TOPORS: variants seen among roughly 807,000 people sequenced by gnomAD.
TOPORS encodes E3 ubiquitin-protein ligase Topors.
Under a neutral mutation model 81.4 loss-of-function variants are expected in TOPORS, and 25 were observed. That is an observed-to-expected ratio of 0.31 (90% CI 0.22 to 0.43). The LOEUF (loss-of-function observed/expected upper bound fraction) is 0.43, where lower values mean the gene tolerates loss of function less well. Ranked by LOEUF, TOPORS falls within the 20% of genes least tolerant of loss-of-function variation. The pLI is 1.00. For synonymous variants in TOPORS, 473 were observed against 456.6 expected (o/e 1.04, Z -0.46); for missense variants, 1,101 against 1,267.0 (o/e 0.87, Z 1.99).
At position 32,543,222 on chromosome 9, in the gene TOPORS, T is replaced by C. The variant is rs769934695; in HGVS notation, c.1303A>G (p.Met435Val). The stretch of plus-strand genomic sequence containing the variant: ...TCAGAAGTATTTAAAAGAGAAGACA[T>C]AGTAACGTGTACCTGCTCTGAGCTT... Reference protein sequence around the residue: ...YSSSEQVHVTMSSLLNTSDSS... With the variant: ...YSSSEQVHVTVSSLLNTSDSS... The change falls in exon 3 of 3, where the codon ATG becomes GTG. Residue 435 changes from methionine to valine, a missense_variant. This residue lies in a region of TOPORS where 103 missense variants were observed against 112.1 expected (regional missense o/e 0.92). Transcript: ENST00000360538. The surrounding 1 kb of genome is among the most constrained non-coding windows in gnomAD (Gnocchi z 5.6). 17 of 1,613,514 alleles carry C rather than the reference T, an allele frequency of 1.1e-5. No homozygotes were observed. Among genetic ancestry groups the C allele is most frequent in the African/African-American group, 5.3e-5 (4 of 74,936 alleles).
intron 2 of TOPORS, among the ~76,000 whole-genome samples, chr9:32,544,806 C>A: frequency 6.6e-6 from 1 of 151,800 alleles, no homozygotes; most frequent in Non-Finnish European, 1.5e-5. Context: ...TGCCCCTTAT[C>A]TTCCCCTCCT....
intron 2 of TOPORS, among the ~76,000 whole-genome samples, chr9:32,544,677 A>G (rs1821118950): frequency 6.6e-6 from 1 of 152,224 alleles, no homozygotes; most frequent in Non-Finnish European, 1.5e-5. Context: ...CACCTGCTAC[A>G]TAGTAAAGCT....
chr9:32,550,957 C>A lies in TOPORS; in HGVS notation c.15G>T (p.Pro5=), dbSNP rs763161546. 6.2e-7 allele frequency: 1 copy of A among 1,611,012 alleles called. No homozygotes were observed. Among genetic ancestry groups the A allele is most frequent in the Non-Finnish European group, 8.5e-7 (1 of 1,179,760 alleles). The change falls in exon 2 of 3, where the codon CCG becomes CCT. Residue 5 remains proline, a synonymous_variant. Transcript: ENST00000360538. ...CGCGAGACAGCGGAGACCCCAGCGG[C>A]GGCTGCGACCCCTGTGACGCAAAGG... MGSQ[P]PLGSPLSREE...
At position 32,543,206 on chromosome 9, in the gene TOPORS, T is replaced by C; in HGVS notation, c.1319A>G (p.Asn440Ser). The stretch of plus-strand genomic sequence containing the variant: ...TTCTTCATCTGAACTGTCAGAAGTA[T>C]TTAAAAGAGAAGACATAGTAACGTG... Reference protein sequence around the residue: ...QVHVTMSSLLNTSDSSDEELV... With the variant: ...QVHVTMSSLLSTSDSSDEELV... Residue 440 changes from asparagine to serine, a missense_variant, in exon 3 of 3, where the codon AAT (asparagine) becomes AGT (serine). Asn to Ser is a conservative substitution (Grantham distance 46, BLOSUM62 1). This residue lies in a region of TOPORS where 103 missense variants were observed against 112.1 expected (regional missense o/e 0.92). Transcript: ENST00000360538. The surrounding 1 kb of genome is among the most constrained non-coding windows in gnomAD (Gnocchi z 5.6). 1 of 1,613,710 alleles carries C rather than the reference T, an allele frequency of 6.2e-7. No homozygotes were observed. Among genetic ancestry groups the C allele is most frequent in the Non-Finnish European group, 8.5e-7 (1 of 1,180,024 alleles).
Position 32,543,083 on chromosome 9 carries a change from A to T in TOPORS, c.1442T>A (p.Val481Asp). The change falls in exon 3 of 3, where the codon GTT becomes GAT. Residue 481 changes from valine (V) to aspartate (D), a missense_variant. By Grantham distance (152) the Val-to-Asp change is radical (BLOSUM62 -3). This residue lies in a region of TOPORS where 14 missense variants were observed against 36.7 expected (regional missense o/e 0.38). Transcript: ENST00000360538. The surrounding 1 kb of genome is among the most constrained non-coding windows in gnomAD (Gnocchi z 5.6). Reference protein sequence around the residue: ...SDDSSDNCVIVGFVKPLAERT... With the variant: ...SDDSSDNCVIDGFVKPLAERT... Reference sequence around the variant, plus strand: ...CTCAGCTAGTGGTTTAACAAACCCAACAATGACACAATTATCTGAAGAATC... The same window carrying T: ...CTCAGCTAGTGGTTTAACAAACCCATCAATGACACAATTATCTGAAGAATC... The T allele has an allele frequency of 6.2e-7, 1 of 1,614,190 alleles. No individual in the cohort carries two copies. Among genetic ancestry groups the T allele is most frequent in the Non-Finnish European group, 8.5e-7 (1 of 1,180,026 alleles).
rs1295047264 is a variant in TOPORS, at chr9:32,543,079, C to A, written c.1446G>T (p.Gly482=). 1 of 1,614,058 alleles carries A rather than the reference C, an allele frequency of 6.2e-7. No homozygotes were observed. The highest frequency in any genetic ancestry group is 1.7e-5 in the Admixed American group (1 of 60,004). ...TCCTCTCAGCTAGTGGTTTAACAAA[C>A]CCAACAATGACACAATTATCTGAAG... ...DDSSDNCVIV[G]FVKPLAERTP... Residue 482 remains glycine (G), a synonymous_variant, in exon 3 of 3, where the codon GGG becomes GGT. Transcript: ENST00000360538. This position sits in a 1 kb window ranked among gnomAD's most constrained non-coding sequence, Gnocchi z 5.6.
Position 32,541,024 on chromosome 9 carries a change from CAA to C in TOPORS, c.*361_*362del, listed in dbSNP as rs34721491. 19 of 164,610 alleles carry C rather than the reference CAA, an allele frequency of 1.2e-4. No individual in the cohort carries two copies. The highest frequency in any genetic ancestry group is 2.7e-4 in the South Asian group (2 of 7,520). 10.2% of individuals were successfully genotyped at this position (164,610 alleles called of 1,614,324 possible). The stretch of plus-strand genomic sequence containing the variant: ...TATAACACATTTCCAGAATAACTCT[CAA>C]AAAAAAAAAATTCAAAAATACTCAT... On this transcript the variant is annotated 3_prime_UTR_variant, in exon 3 of 3. Transcript: ENST00000360538.
At chr9:32,548,024 G>GTTTTTT (rs1821164553) in intron 2 of TOPORS, among the ~76,000 whole-genome samples, 1 of 51,580 alleles carries the variant, frequency 1.9e-5, no homozygotes, top group African/African-American at 7.0e-5. Flanking sequence ...TTTTTTTTTT[G>GTTTTTT]TATTTTTAGT....
At chr9:32,549,538 T>C (rs1281534334) in intron 2 of TOPORS, among the ~76,000 whole-genome samples, 3 of 152,152 alleles carry the variant, frequency 2.0e-5, no homozygotes, top group Non-Finnish European at 4.4e-5. Flanking sequence ...CGGGACATAT[T>C]TCATAAAAAC....
Position 32,542,073 on chromosome 9 carries a change from A to G in TOPORS, c.2452T>C (p.Ser818Pro). 1 of 1,614,112 alleles carries G rather than the reference A, an allele frequency of 6.2e-7. No individual in the cohort carries two copies. The highest frequency in any genetic ancestry group is 8.5e-7 in the Non-Finnish European group (1 of 1,180,024). The stretch of plus-strand genomic sequence containing the variant: ...TGGTAATGACTGTCCTTTGCTTTAG[A>G]AGCAAATTCACGAGATGGCTGAGCC... Reference protein sequence around the residue: ...EVAQPSREFASKAKDSHYQKS... With the variant: ...EVAQPSREFAPKAKDSHYQKS... The change falls in exon 3 of 3, where the codon TCT (serine) becomes CCT (proline). Residue 818 changes from serine (S) to proline (P), a missense_variant. Physicochemically the swap from Ser to Pro is moderately conservative, Grantham distance 74. Around this residue, in one of 9 missense-constraint regions of TOPORS, gnomAD observed 605 missense variants for 636.1 expected, o/e 0.95. Coordinates refer to ENST00000360538, the MANE Select transcript of TOPORS (RefSeq NM_005802.5).
chr9:32,541,440 G>A lies in TOPORS; in HGVS notation c.3085C>T (p.Pro1029Ser). 1 of 1,614,144 alleles carries A rather than the reference G, an allele frequency of 6.2e-7. No individual in the cohort carries two copies. The highest frequency in any genetic ancestry group is 8.5e-7 in the Non-Finnish European group (1 of 1,180,008). The part of the protein sequence containing the change: ...QTEPSRQLPS[P>S]RTSLMSVCLG... The stretch of plus-strand genomic sequence containing the variant: ...CATACTGACATTAATGATGTCCGTG[G>A]CGATGGCAATTGCCTTGATGGCTCA... The change falls in exon 3 of 3, where the codon CCA (proline) becomes TCA (serine). Residue 1029 changes from proline (P) to serine (S), a missense_variant. Physicochemically the swap from Pro to Ser is moderately conservative, Grantham distance 74. Coordinates refer to ENST00000360538, the MANE Select transcript of TOPORS (RefSeq NM_005802.5).
intron 2 of TOPORS, among the ~76,000 whole-genome samples, chr9:32,545,217 C>T (rs1369690162): frequency 2.0e-5 from 3 of 152,126 alleles, no homozygotes; most frequent in African/African-American, 7.2e-5. Context: ...TTCCATTCAG[C>T]ATTCCTAATA....
intron 1 of TOPORS, 124 bp from the exon 2 acceptor site, chr9:32,551,092 A>T: frequency 8.2e-7 from 1 of 1,219,420 alleles, no homozygotes; most frequent in Non-Finnish European, 1.2e-6. Context: ...CAGCAGATGG[A>T]CGCCGGCCTC....
chr9:32,543,337 T>C lies in TOPORS; in HGVS notation c.1188A>G (p.Pro396=), dbSNP rs2118968298. The C allele has an allele frequency of 5.6e-6, 9 of 1,614,148 alleles. No homozygotes were observed. Among genetic ancestry groups the C allele is most frequent in the Non-Finnish European group, 6.8e-6 (8 of 1,180,024 alleles). The stretch of plus-strand genomic sequence containing the variant: ...CCAGCTCTTGGGTCTCAGCCTCATC[T>C]GGAGATATTGTTATGACTGAAGAAT... ...HSDSSVITIS[P]DEAETQELDI... The change falls in exon 3 of 3, where the codon CCA becomes CCG. Residue 396 remains proline, a synonymous_variant. Transcript: ENST00000360538. This position sits in a 1 kb window ranked among gnomAD's most constrained non-coding sequence, Gnocchi z 5.6.
At chr9:32,551,223 C>CTGAA in intron 1 of TOPORS, 1 of 595,132 alleles carries the variant, frequency 1.7e-6, no homozygotes, top group Non-Finnish European at 3.0e-6. Flanking sequence ...GGGACACTGA[C>CTGAA]TGAATGTTCG....
chr9:32,542,845 CTTCT>C lies in TOPORS; in HGVS notation c.1676_1679del (p.Lys559ArgfsTer15), dbSNP rs751879870. ...ACAATGATGTAGATCGTTTCTCTTC[CTTCT>C]TTGATTTGATTCTTGTACTAGAATC... On this transcript the variant is annotated frameshift_variant, in exon 3 of 3. Transcript: ENST00000360538. LOFTEE classifies it high-confidence loss of function. 6.2e-7 allele frequency: 1 copy of C among 1,614,060 alleles called. No individual in the cohort carries two copies. The highest frequency in any genetic ancestry group is 1.1e-5 in the South Asian group (1 of 91,082).
chr9:32,544,076 T>C lies in TOPORS; in HGVS notation c.449A>G (p.His150Arg). The C allele has an allele frequency of 6.2e-7, 1 of 1,614,146 alleles. No homozygotes were observed. The highest frequency in any genetic ancestry group is 8.5e-7 in the Non-Finnish European group (1 of 1,180,014). Residue 150 changes from histidine to arginine, a missense_variant, in exon 3 of 3, where the codon CAT becomes CGT. This residue lies in a region of TOPORS where 10 missense variants were observed against 21.4 expected (regional missense o/e 0.47). Transcript: ENST00000360538. ...GAAGTCATCTTCTGCCCTCACAGAA[T>C]GGAAAATAGAATCAAAGGGCTGTTT... ...LCKQPFDSIFHSVRAEDDFKE... is the reference protein window; with the variant it reads ...LCKQPFDSIFRSVRAEDDFKE...
At chr9:32,550,625 C>CG in intron 2 of TOPORS, 149 bp downstream of exon 2, 1 of 839,928 alleles carries the variant, frequency 1.2e-6, no homozygotes, top group Non-Finnish European at 1.8e-6. Flanking sequence ...AGGAGCCGCT[C>CG]GGGGGCCCTG....
chr9:32,551,211 T>C (rs183953517), intron 1 of TOPORS: 3 of 602,358 alleles, frequency 5.0e-6, no homozygotes, highest in South Asian at 3.8e-5. Context: ...ACTCAGCCAC[T>C]GGGGACACTG....
Sources: gnomAD v4.1 joint callset for allele counts (sites outside exome capture counted in the v4.1 genomes callset) on GRCh38, gnomAD v4.1.1 for gene constraint, gnomAD v4.1.1 regional missense constraint, Gnocchi (gnomAD v3.1) non-coding constraint, MANE v1.5 for transcripts, NCBI Gene and HGNC (gene_info 2026-07-23, HGNC 2026-07-21) for gene names.